Variants in KIF23 observed in about 807,000 individuals in gnomAD.
KIF23 encodes the protein kinesin family member 23, also known as kinesin-like protein KIF23.
Under a neutral mutation model 137.5 loss-of-function variants are expected in KIF23, and 30 were observed. The observed-to-expected ratio is 0.22, with a 90% CI of 0.16 to 0.30. The LOEUF (loss-of-function observed/expected upper bound fraction) is 0.30, where lower values mean the gene tolerates loss of function less well. KIF23 is among the 10% of genes least tolerant of loss of function. The pLI is 1.00. For missense variants in KIF23, 920 were observed against 1,194.3 expected (o/e 0.77, Z 3.38); for synonymous variants, 367 against 391.1 (o/e 0.94, Z 0.73).
At chr15:69,424,656 C>T (rs767576966) in intron 7 of KIF23, among the ~76,000 whole-genome samples, 2 of 152,144 alleles carry the variant, frequency 1.3e-5, no homozygotes, top group Non-Finnish European at 2.9e-5. Context: ...AGCCACCATG[C>T]CTGGCTAATT....
At chr15:69,437,103 C>G (rs2057502395) in intron 15 of KIF23, among the ~76,000 whole-genome samples, 1 of 152,174 alleles carries the variant, frequency 6.6e-6, no homozygotes, top group African/African-American at 2.4e-5. Context: ...TTCAATGAAT[C>G]TGAGTTATAT....
chr15:69,438,469 G>A, intron 16 of KIF23, 64 bp downstream of exon 16: 2 of 1,452,330 alleles, frequency 1.4e-6, no homozygotes, highest in Non-Finnish European at 1.8e-6. Flanking sequence ...CTCTGAGGGA[G>A]ATATTGTGCT....
chr15:69,421,259 G>A (rs1470746936), intron 3 of KIF23, among the ~76,000 whole-genome samples: 2 of 152,062 alleles, frequency 1.3e-5, no homozygotes, highest in East Asian at 1.9e-4. Context: ...GTGGTGGCAC[G>A]TGCCTGTAAT....
intron 4 of KIF23, 31 bp from the exon 5 acceptor site, chr15:69,421,961 A>G (rs1304768873): frequency 1.9e-6 from 3 of 1,610,974 alleles, no homozygotes; most frequent in East Asian, 2.2e-5. Context: ...AACTTCTAAG[A>G]TATAACTCAT....
chr15:69,425,590 C>A (rs545262827), intron 8 of KIF23, among the ~76,000 whole-genome samples: 1 of 152,288 alleles, frequency 6.6e-6, no homozygotes, highest in Admixed American at 6.5e-5. Context: ...ACTAAAACTT[C>A]ATAAGCCACT....
At chr15:69,426,551 C>T (rs568643584) in intron 10 of KIF23, 94 bp downstream of exon 10, 66 of 1,404,434 alleles carry the variant, frequency 4.7e-5, no homozygotes, top group African/African-American at 4.0e-4. Context: ...AAACCTGTCT[C>T]GAGTAAAATT....
chr15:69,432,351 A>T (rs1596002529), intron 11 of KIF23, among the ~76,000 whole-genome samples: 1 of 152,176 alleles, frequency 6.6e-6, no homozygotes, highest in Non-Finnish European at 1.5e-5. Flanking sequence ...GAGCTGGGAC[A>T]TTGGGACCCT....
intron 22 of KIF23, chr15:69,446,644 T>C (rs547284229): frequency 9.3e-5 from 58 of 620,518 alleles, no homozygotes; most frequent in South Asian, 9.0e-4. Context: ...TGCAAACTTA[T>C]CTAAAATGAG....
chr15:69,423,842 T>C (rs1366833733), intron 7 of KIF23, among the ~76,000 whole-genome samples: 1 of 152,244 alleles, frequency 6.6e-6, no homozygotes, highest in Non-Finnish European at 1.5e-5. Context: ...CTAGATTTCC[T>C]TGGGTCTTGC....
Position 69,426,354 on chromosome 15 carries a change from T to C in KIF23, c.908T>C (p.Ile303Thr). Reference sequence around the variant, plus strand: ...GTCCTAGGCCAGAAAAAGAGACGTATTGCTAATACCCATTTGAATCGTGAG... The same window carrying C: ...GTCCTAGGCCAGAAAAAGAGACGTACTGCTAATACCCATTTGAATCGTGAG... ...VFWRGQKKRR[I>T]ANTHLNRESS... Residue 303 changes from isoleucine to threonine, a missense_variant, in exon 10 of 24, where the codon ATT becomes ACT. Around this residue, in one of 4 missense-constraint regions of KIF23, gnomAD observed 714 missense variants for 866.2 expected, o/e 0.82. Coordinates refer to ENST00000679126, the MANE Select transcript of KIF23 (RefSeq NM_001367805.3). The C allele has an allele frequency of 6.2e-7, 1 of 1,614,168 alleles. No homozygotes were observed. The highest frequency in any genetic ancestry group is 8.5e-7 in the Non-Finnish European group (1 of 1,180,024).
rs2057705072 is a variant in KIF23 at position 69,444,712 on chromosome 15, T to C, written c.2422-78T>C. 1.4e-6 allele frequency: 2 copies of C among 1,428,538 alleles called. No homozygotes were observed. The highest frequency in any genetic ancestry group is 4.6e-5 in the East Asian group (2 of 43,634). 88.5% of individuals were successfully genotyped at this position (1,428,538 alleles called of 1,614,324 possible). ...TTTGGAAAGGTTTGCTATGATACTG[T>C]CATCAACTAATGTAGCCAAACCTGC... On this transcript the variant is annotated intron_variant, in intron 19 of 23. Transcript: ENST00000679126. This position sits in a 1 kb window ranked among gnomAD's most constrained non-coding sequence, Gnocchi z 4.2.
At chr15:69,446,696 C>T in intron 22 of KIF23, 175 bp from the exon 23 acceptor site, 1 of 679,208 alleles carries the variant, frequency 1.5e-6, no homozygotes, top group Non-Finnish European at 2.6e-6. Flanking sequence ...TGGCTCACAA[C>T]ATTTGTGGCC....
At chr15:69,421,881 A>G in intron 4 of KIF23, 111 bp from the exon 5 acceptor site, 3 of 1,388,846 alleles carry the variant, frequency 2.2e-6, no homozygotes, top group Non-Finnish European at 3.0e-6. Flanking sequence ...GGGTGGTGCT[A>G]AACTTGCCTT....
Position 69,446,384 on chromosome 15 carries a change from T to C in KIF23, c.2838+20T>C, listed in dbSNP as rs560057261. On this transcript the variant is annotated intron_variant, in intron 22 of 23. Coordinates refer to ENST00000679126, the MANE Select transcript of KIF23 (RefSeq NM_001367805.3). Reference sequence around the variant, plus strand: ...ACAAGGGTAGGGGAAAAATTAAATATTTGTCTGCCTACTAAAATTAGGTTT... The same window carrying C: ...ACAAGGGTAGGGGAAAAATTAAATACTTGTCTGCCTACTAAAATTAGGTTT... 1.9e-6 allele frequency: 3 copies of C among 1,586,052 alleles called. No individual in the cohort carries two copies. Among genetic ancestry groups the C allele is most frequent in the African/African-American group, 2.7e-5 (2 of 74,444 alleles).
intron 19 of KIF23, among the ~76,000 whole-genome samples, chr15:69,442,334 T>C (rs576156265): frequency 1.3e-5 from 2 of 152,336 alleles, no homozygotes; most frequent in East Asian, 3.9e-4. Context: ...ATTTTTCTTC[T>C]TAAAGATTAA....
In KIF23 at chr15:69,438,249, T is replaced by C; in HGVS notation, c.1599T>C (p.Ser533=). ...TTGACCTGTATGTTTTTGTTTCAGC[T>C]AATGCTTTTAAAGCTTTGTTACAAG... ...QMMIDEFNKQ[S]NAFKALLQEF... is the part of the protein sequence containing the mutation. The change falls in exon 16 of 24, where the codon TCT becomes TCC. Residue 533 remains serine, a splice_region_variant and synonymous_variant. Transcript: ENST00000679126. 2.5e-6 allele frequency: 4 copies of C among 1,598,738 alleles called. No homozygotes were observed. The highest frequency in any genetic ancestry group is 3.4e-6 in the Non-Finnish European group (4 of 1,175,978).
In KIF23 at chr15:69,436,639, A is replaced by G; in HGVS notation, c.1514A>G (p.Glu505Gly). The G allele has an allele frequency of 6.2e-7, 1 of 1,612,496 alleles. No individual in the cohort carries two copies. The highest frequency in any genetic ancestry group is 8.5e-7 in the Non-Finnish European group (1 of 1,178,800). The change falls in exon 15 of 24, where the codon GAG becomes GGG. Residue 505 changes from glutamate (E) to glycine (G), a missense_variant. Physicochemically the swap from Glu to Gly is moderately conservative, Grantham distance 98 (BLOSUM62 -2). Transcript: ENST00000679126. Reference protein sequence around the residue: ...PSCEILDINDEQTLPRLIEAL... With the variant: ...PSCEILDINDGQTLPRLIEAL... The stretch of plus-strand genomic sequence containing the variant: ...TGCGAAATTTTGGATATCAACGATG[A>G]GCAGACACTTCCAAGGCTGATTGAA...
intron 19 of KIF23, 23 bp downstream of exon 19, chr15:69,441,102 C>A (rs79983350): frequency 1.3e-6 from 2 of 1,548,482 alleles, no homozygotes; most frequent in African/African-American, 1.4e-5. Context: ...ATTATTTTAA[C>A]GCATTGTAGC....
intron 2 of KIF23, 23 bp downstream of exon 2, chr15:69,416,086 T>C: frequency 6.7e-7 from 1 of 1,503,418 alleles, no homozygotes; most frequent in Non-Finnish European, 8.9e-7. Context: ...TGTAAATTTA[T>C]GTGTGGTGTT....
Sources: allele counts gnomAD v4.1 joint callset (sites outside exome capture counted in the v4.1 genomes callset), GRCh38; gene constraint gnomAD v4.1.1; regional missense constraint gnomAD v4.1.1; non-coding constraint Gnocchi (gnomAD v3.1); transcripts MANE v1.5; gene names NCBI Gene and HGNC (gene_info 2026-07-23, HGNC 2026-07-21).